Variants in CHCHD6 observed in about 807,000 individuals in gnomAD.
CHCHD6 encodes the protein coiled-coil-helix-coiled-coil-helix domain containing 6.
A neutral mutation model predicts 32.3 loss-of-function variants in CHCHD6; 28 were observed. The ratio of observed to expected loss-of-function variants is 0.87; its 90% confidence interval spans 0.64 to 1.19. The LOEUF (loss-of-function observed/expected upper bound fraction) is 1.19. CHCHD6 is among the 50% of genes most tolerant of loss of function. The pLI is 0.00. For missense variants in CHCHD6, 333 were observed against 307.0 expected, an observed-to-expected ratio of 1.08 and a Z score of -0.63; for synonymous variants, 122 against 117.5, an observed-to-expected ratio of 1.04 and a Z score of -0.25.
Position 126,826,334 on chromosome 3 carries a change from A to G in CHCHD6, c.412-26313A>G, listed in dbSNP as rs1464212659. On this transcript the variant is annotated intron_variant, in intron 4 of 7. Coordinates refer to ENST00000290913, the MANE Select transcript of CHCHD6 (RefSeq NM_032343.3). ...GTTTTTATGATGATGCCTTTTACCT[A>G]TGCAGTCTTATAAATACAGTCATGT... Among the ~76,000 whole-genome samples the G allele has an allele frequency of 2.6e-5, 4 of 152,170 alleles. No homozygotes were observed. The East Asian group carries it at 5.8e-4, about 22-fold the overall frequency.
chr3:126,834,949 T>C (rs1416456460), intron 4 of CHCHD6, among the ~76,000 whole-genome samples: 2 of 152,248 alleles, frequency 1.3e-5, no homozygotes, highest in African/African-American at 4.8e-5. Flanking sequence ...AGCCCTGGTG[T>C]GTCTGGAGGA....
chr3:126,718,643 C>T (rs144176545), intron 1 of CHCHD6, among the ~76,000 whole-genome samples: 6 of 152,298 alleles, frequency 3.9e-5, no homozygotes, highest in Admixed American at 6.5e-5. Context: ...GGCAGCACCA[C>T]GCAGCTGGAG....
chr3:126,810,496 A>G (rs1314906210), intron 4 of CHCHD6, among the ~76,000 whole-genome samples: 2 of 152,230 alleles, frequency 1.3e-5, no homozygotes, highest in African/African-American at 4.8e-5. Context: ...TTTATGTGCT[A>G]TTTGATGTTG....
chr3:126,731,098 TAAAAAAAAA>T (rs34596059), intron 3 of CHCHD6, among the ~76,000 whole-genome samples: 1,904 of 74,022 alleles, frequency 0.026, 48 homozygotes, highest in African/African-American at 0.087. Context: ...ACCCTGTCTC[TAAAAAAAAA>T]AAAAAAAAAA....
Position 126,917,957 on chromosome 3 carries a change from C to G in CHCHD6, c.566+3207C>G, listed in dbSNP as rs557816723. On this transcript the variant is annotated intron_variant, in intron 6 of 7. Transcript: ENST00000290913. ...AAACGTCTATTGTTTATAAGCTGCC[C>G]AGTCTCTATAGTACTCTATTATAGC... is the stretch of plus-strand genomic sequence containing the variant. 3.9e-5 allele frequency among the ~76,000 whole-genome samples: 6 copies of G among 152,168 alleles called. No homozygotes were observed. The East Asian group carries it at 1.2e-3, about 29-fold the overall frequency.
chr3:126,809,906 C>T (rs866611207), intron 4 of CHCHD6, among the ~76,000 whole-genome samples: 1 of 152,158 alleles, frequency 6.6e-6, no homozygotes. Context: ...ATATTTTATC[C>T]TTCTCAGTGC....
At chr3:126,953,793 A>G (rs919997445) in intron 6 of CHCHD6, among the ~76,000 whole-genome samples, 2 of 152,186 alleles carry the variant, frequency 1.3e-5, no homozygotes, top group Non-Finnish European at 2.9e-5. Flanking sequence ...GTCCTTACAC[A>G]GGGGTACAGG....
At chr3:126,729,520 A>G (rs1342406806) in intron 2 of CHCHD6, among the ~76,000 whole-genome samples, 1 of 152,232 alleles carries the variant, frequency 6.6e-6, no homozygotes, top group East Asian at 1.9e-4. Flanking sequence ...AAACCTCAGT[A>G]AAGCTCTTCA....
chr3:126,713,304 A>C (rs1439732344), intron 1 of CHCHD6, among the ~76,000 whole-genome samples: 2 of 152,196 alleles, frequency 1.3e-5, no homozygotes, highest in Non-Finnish European at 2.9e-5. Flanking sequence ...TCCCAGAGGC[A>C]GCCCGTGACC....
chr3:126,803,656 C>T (rs1027569844), intron 4 of CHCHD6, among the ~76,000 whole-genome samples: 1 of 152,254 alleles, frequency 6.6e-6, no homozygotes, highest in Admixed American at 6.5e-5. Context: ...GACAGATCAA[C>T]GAGACAGAAA....
At chr3:126,880,664 G>A (rs2077596535) in intron 5 of CHCHD6, among the ~76,000 whole-genome samples, 1 of 150,624 alleles carries the variant, frequency 6.6e-6, no homozygotes. Flanking sequence ...TCTAGGCTTA[G>A]AGAAATCAGT....
chr3:126,896,517 T>G (rs889077267), intron 5 of CHCHD6, among the ~76,000 whole-genome samples: 3 of 152,288 alleles, frequency 2.0e-5, no homozygotes, highest in Middle Eastern at 3.4e-3. Flanking sequence ...CTCTCAGAGT[T>G]CCTTTCATCT....
rs183772603 is a variant in CHCHD6 at position 126,818,647 on chromosome 3, A to G, written c.412-34000A>G. ...TCTCCTGCCCACAGAGGCTGAGTGG[A>G]TTGGCCACCATTACCTAGTGCCGCA... On this transcript the variant is annotated intron_variant, in intron 4 of 7. Transcript: ENST00000290913. 5.6e-4 allele frequency among the ~76,000 whole-genome samples: 85 copies of G among 152,312 alleles called. No homozygotes were observed. In the East Asian group the frequency reaches 0.016, roughly 29 times the overall value.
intron 6 of CHCHD6, chr3:126,949,417 C>G (rs949915130): frequency 4.3e-5 from 10 of 235,258 alleles, no homozygotes; most frequent in Non-Finnish European, 8.4e-5. Flanking sequence ...ACAGGTCTGC[C>G]GTGGACGGAA....
chr3:126,922,107 A>G (rs1405374649), intron 6 of CHCHD6, among the ~76,000 whole-genome samples: 2 of 152,238 alleles, frequency 1.3e-5, no homozygotes, highest in Non-Finnish European at 2.9e-5. Flanking sequence ...CTCTTTGAGA[A>G]GTTAACAAAT....
intron 5 of CHCHD6, among the ~76,000 whole-genome samples, chr3:126,859,823 T>A (rs1559885355): frequency 6.6e-6 from 1 of 152,160 alleles, no homozygotes; most frequent in African/African-American, 2.4e-5. Flanking sequence ...AAGAATGTGG[T>A]TGGCAGTGCC....
chr3:126,709,804 CA>C (rs1934670134), intron 1 of CHCHD6, among the ~76,000 whole-genome samples: 1 of 152,178 alleles, frequency 6.6e-6, no homozygotes, highest in Non-Finnish European at 1.5e-5. Context: ...AATGTGTATT[CA>C]GATCTTTTGC....
At chr3:126,840,199 C>T (rs1209742810) in intron 4 of CHCHD6, among the ~76,000 whole-genome samples, 1 of 152,060 alleles carries the variant, frequency 6.6e-6, no homozygotes, top group African/African-American at 2.4e-5. Flanking sequence ...TTTTAAAATT[C>T]ATCTGTTAGT....
intron 6 of CHCHD6, among the ~76,000 whole-genome samples, chr3:126,933,626 G>A (rs2078437006): frequency 6.6e-6 from 1 of 152,004 alleles, no homozygotes; most frequent in Admixed American, 6.6e-5. Flanking sequence ...CTCATTATTC[G>A]CTCATTACCA....
Sources: allele counts gnomAD v4.1 joint callset (sites outside exome capture counted in the v4.1 genomes callset), GRCh38; gene constraint gnomAD v4.1.1; transcripts MANE v1.5; gene names NCBI Gene and HGNC (gene_info 2026-07-23, HGNC 2026-07-21).